Variants in PTPRN2 observed in about 807,000 individuals in gnomAD.
PTPRN2 encodes protein tyrosine phosphatase receptor type N2, also known as receptor-type tyrosine-protein phosphatase N2.
Under a neutral mutation model 118.8 loss-of-function variants are expected in PTPRN2, and 74 were observed. That is an observed-to-expected ratio of 0.62 (90% CI 0.52 to 0.76). The LOEUF is 0.76. Among genes scored for constraint, PTPRN2 ranks in the 30% least tolerant of loss-of-function variants. The pLI, the probability that PTPRN2 is intolerant of heterozygous loss-of-function variation, is 0.00. For missense variants in PTPRN2, 1,481 were observed against 1,394.4 expected, an observed-to-expected ratio of 1.06 and a Z score of -0.99; for synonymous variants, 641 against 608.0, an observed-to-expected ratio of 1.05 and a Z score of -0.80.
chr7:158,291,442 A>G (rs1800115034), intron 3 of PTPRN2, among the ~76,000 whole-genome samples: 1 of 152,206 alleles, frequency 6.6e-6, no homozygotes, highest in African/African-American at 2.4e-5. Flanking sequence ...TTTTAGTCTA[A>G]GCTCTAGGAG....
intron 3 of PTPRN2, among the ~76,000 whole-genome samples, chr7:158,294,613 G>A (rs1207682782): frequency 2.0e-5 from 3 of 152,204 alleles, no homozygotes; most frequent in South Asian, 4.1e-4. Flanking sequence ...AGGAGGATGC[G>A]AGAGGCAGGG....
intron 11 of PTPRN2, among the ~76,000 whole-genome samples, chr7:158,067,578 C>T (rs1810869981): frequency 6.6e-6 from 1 of 152,188 alleles, no homozygotes; most frequent in African/African-American, 2.4e-5. Context: ...GTTCTACAAT[C>T]TTGAGAAAAG....
intron 12 of PTPRN2, among the ~76,000 whole-genome samples, chr7:157,847,389 C>A (rs112723921): frequency 7.3e-6 from 1 of 137,322 alleles, no homozygotes; most frequent in Non-Finnish European, 1.6e-5. Flanking sequence ...GACTCTATCA[C>A]GTGTGCCCAA....
rs151207568 is a variant in PTPRN2, at chr7:157,794,783, C to T, written c.1788+103890G>A. On this transcript the variant is annotated intron_variant, in intron 12 of 22. Coordinates refer to ENST00000389418, the MANE Select transcript of PTPRN2 (RefSeq NM_002847.5). The surrounding 1 kb of genome is among the most constrained non-coding windows in gnomAD (Gnocchi z 5.2). ...CACCAGCAGAACAGTGAGCTACCTT[C>T]TCTCCCAGTAACCTTTTCCAGAGGA... 6.6e-6 allele frequency among the ~76,000 whole-genome samples: 1 copy of T among 152,340 alleles called. No homozygotes were observed. Among genetic ancestry groups the T allele is most frequent in the African/African-American group, 2.4e-5 (1 of 41,570 alleles).
At chr7:158,452,059 A>G (rs778898463) in intron 2 of PTPRN2, among the ~76,000 whole-genome samples, 1 of 152,160 alleles carries the variant, frequency 6.6e-6, no homozygotes, top group Non-Finnish European at 1.5e-5. Context: ...CATCATTATC[A>G]TATACCAAAT....
intron 12 of PTPRN2, among the ~76,000 whole-genome samples, chr7:157,825,080 C>T (rs193090389): frequency 3.3e-5 from 5 of 152,320 alleles, no homozygotes; most frequent in African/African-American, 1.2e-4. Flanking sequence ...TGCTGGTCTT[C>T]CTCTGCTTCC....
At chr7:157,864,750 T>C (rs562321872) in intron 12 of PTPRN2, 2 of 152,242 alleles carry the variant, frequency 1.3e-5, no homozygotes, top group East Asian at 1.9e-4. Context: ...CAAACGCTCA[T>C]AGACGTCAGT....
At chr7:157,988,241 C>T (rs1474328724) in intron 11 of PTPRN2, among the ~76,000 whole-genome samples, 2 of 152,220 alleles carry the variant, frequency 1.3e-5, no homozygotes, top group East Asian at 3.9e-4. Flanking sequence ...TCCAGCTTGT[C>T]TCCCAAAGAC....
chr7:158,334,752 C>G (rs1805263101), intron 2 of PTPRN2, among the ~76,000 whole-genome samples: 1 of 53,038 alleles, frequency 1.9e-5, no homozygotes, highest in African/African-American at 6.3e-5. Context: ...GAGGTGACGC[C>G]CGCAGACATC....
At chr7:157,783,729 G>T (rs1435504844) in intron 12 of PTPRN2, among the ~76,000 whole-genome samples, 1 of 151,692 alleles carries the variant, frequency 6.6e-6, no homozygotes, top group African/African-American at 2.4e-5. Context: ...TCAGCCTCCC[G>T]CCCCACTCCC....
At chr7:157,595,159 C>T in intron 17 of PTPRN2, 79 bp downstream of exon 17, 2 of 1,338,028 alleles carry the variant, frequency 1.5e-6, no homozygotes, top group East Asian at 2.3e-5. Flanking sequence ...TTGGCCTAAT[C>T]AGATTCAAGA....
At chr7:157,750,229 G>C (rs924884500) in intron 12 of PTPRN2, among the ~76,000 whole-genome samples, 8 of 152,140 alleles carry the variant, frequency 5.3e-5, no homozygotes, top group Admixed American at 4.6e-4. Flanking sequence ...TCGATTTAGA[G>C]AAAAAAGGAT....
chr7:158,161,424 A>G (rs944666234), intron 6 of PTPRN2, among the ~76,000 whole-genome samples: 2 of 152,226 alleles, frequency 1.3e-5, no homozygotes, highest in Non-Finnish European at 2.9e-5. Flanking sequence ...GAGCCCAGAC[A>G]TGGGTCCACA....
rs1805758672 is a variant in PTPRN2, at chr7:157,808,263, T to C, written c.1788+90410A>G. Among the ~76,000 whole-genome samples the C allele has an allele frequency of 6.7e-6, 1 of 149,642 alleles. No individual in the cohort carries two copies. Among genetic ancestry groups the C allele is most frequent in the South Asian group, 2.2e-4 (1 of 4,610 alleles). On this transcript the variant is annotated intron_variant, in intron 12 of 22. Transcript: ENST00000389418. The surrounding 1 kb of genome is among the most constrained non-coding windows in gnomAD (Gnocchi z 5.0). ...AGTGGCAGGTAGGTGAGTGGGTGAG[T>C]GGCGGGAGAGTGAGCTGTTGAGTGG...
chr7:158,387,082 C>T (rs553470712), intron 2 of PTPRN2, among the ~76,000 whole-genome samples: 16 of 152,234 alleles, frequency 1.1e-4, no homozygotes, highest in African/African-American at 2.2e-4. Flanking sequence ...TTCTAGAACA[C>T]GGGAGGCTCT....
chr7:157,934,503 AT>A (rs1373446954), intron 11 of PTPRN2, among the ~76,000 whole-genome samples: 1 of 152,212 alleles, frequency 6.6e-6, no homozygotes, highest in Non-Finnish European at 1.5e-5. Flanking sequence ...GCATTTGCAC[AT>A]TTGACTGGAA....
intron 3 of PTPRN2, among the ~76,000 whole-genome samples, chr7:158,273,860 GA>G (rs1798731812): frequency 7.9e-6 from 1 of 126,736 alleles, no homozygotes. Flanking sequence ...GCAGACACAG[GA>G]GGAGACACAC....
chr7:158,158,187 G>A (rs1822005794), intron 6 of PTPRN2, among the ~76,000 whole-genome samples: 1 of 152,184 alleles, frequency 6.6e-6, no homozygotes, highest in African/African-American at 2.4e-5. Flanking sequence ...AAGTGAAAAT[G>A]ACCCCAAAAG....
intron 2 of PTPRN2, among the ~76,000 whole-genome samples, chr7:158,354,269 GATAA>G (rs1808219576): frequency 6.6e-6 from 1 of 152,118 alleles, no homozygotes. Context: ...ACAGAGAAGA[GATAA>G]ATAAATAACC....
Sources: allele counts gnomAD v4.1 joint callset (sites outside exome capture counted in the v4.1 genomes callset), GRCh38; gene constraint gnomAD v4.1.1; non-coding constraint Gnocchi (gnomAD v3.1); transcripts MANE v1.5; gene names NCBI Gene and HGNC (gene_info 2026-07-23, HGNC 2026-07-21).